ARHGEF18: variants seen among roughly 807,000 people sequenced by gnomAD.
The protein encoded by ARHGEF18 is Rho/Rac guanine nucleotide exchange factor 18, also known as rho guanine nucleotide exchange factor 18.
ARHGEF18 carries 93 observed loss-of-function variants against 155.7 expected under a neutral mutation model. The observed-to-expected ratio is 0.60, with a 90% CI of 0.50 to 0.71. ARHGEF18 has a LOEUF of 0.71. Among genes scored for constraint, ARHGEF18 ranks in the 30% least tolerant of loss-of-function variants. The probability of loss-of-function intolerance (pLI) is 0.00; values close to 1 mark genes in which losing one functional copy is unlikely to be tolerated. For synonymous variants in ARHGEF18, 742 were observed against 753.1 expected (o/e 0.99, Z 0.24); for missense variants, 1,593 against 1,816.1 (o/e 0.88, Z 2.23).
chr19:7,383,146 G>A lies in ARHGEF18; in HGVS notation c.910G>A (p.Gly304Arg). 1.6e-6 allele frequency: 2 copies of A among 1,232,292 alleles called. No homozygotes were observed. The highest frequency in any genetic ancestry group is 2.0e-6 in the Non-Finnish European group (2 of 988,102). 76.3% of individuals were successfully genotyped at this position (1,232,292 alleles called of 1,614,324 possible). The change falls in exon 10 of 29, where the codon GGG becomes AGG. Residue 304 changes from glycine (G) to arginine (R), a missense_variant. Transcript: ENST00000668164. Reference protein sequence around the residue: ...ECVNGHQLLQGTFSGPSSCPL... With the variant: ...ECVNGHQLLQRTFSGPSSCPL... The stretch of plus-strand genomic sequence containing the variant: ...TGTCAATGGGCACCAGCTGTTGCAA[G>A]GGACCTTCTCCGGCCCCTCCAGCTG...
rs539106383 is a variant in ARHGEF18 at position 7,386,234 on chromosome 19, C to CAAA, written c.967+3046_967+3048dup. Among the ~76,000 whole-genome samples, 434 of 108,266 alleles carry CAAA rather than the reference C, an allele frequency of 4.0e-3. 2 individuals carry two copies. Among genetic ancestry groups the CAAA allele is most frequent in the African/African-American group, 0.013 (411 of 30,708 alleles). 71.0% of individuals were successfully genotyped at this position (108,266 alleles called of 152,430 possible). ...GTAGAGACGGGCTCTTGCTATGTTGCAAAAAAAAAAAAAAAAAGACAAAGG... is the reference window on the plus strand; with the variant it reads ...GTAGAGACGGGCTCTTGCTATGTTGCAAAAAAAAAAAAAAAAAAAAGACAAAGG... On this transcript the variant is annotated intron_variant, in intron 10 of 28. Transcript: ENST00000668164.
At chr19:7,389,812 G>A (rs1339601538) in intron 10 of ARHGEF18, among the ~76,000 whole-genome samples, 1 of 152,180 alleles carries the variant, frequency 6.6e-6, no homozygotes, top group Non-Finnish European at 1.5e-5. Flanking sequence ...CACTCTCAGG[G>A]TGGTGGGAAT....
intron 1 of ARHGEF18, among the ~76,000 whole-genome samples, chr19:7,351,689 CCTCTCTCT>C (rs199685788): frequency 7.7e-6 from 1 of 129,572 alleles, no homozygotes; most frequent in Non-Finnish European, 1.6e-5. Context: ...TTTCTCTCTG[CCTCTCTCT>C]CTCTCTCTTT....
At position 7,395,048 on chromosome 19, in the gene ARHGEF18, A is replaced by G. The variant is rs1322696461; in HGVS notation, c.967+11845A>G. ...CCGGGAGCGCCCCGCCCTCGAGGGCACGCCTCCTTCCGGGTCACGCCCTCT... is the reference window on the plus strand; with the variant it reads ...CCGGGAGCGCCCCGCCCTCGAGGGCGCGCCTCCTTCCGGGTCACGCCCTCT... On this transcript the variant is annotated intron_variant, in intron 10 of 28. Transcript: ENST00000668164. The surrounding 1 kb of genome is among the most constrained non-coding windows in gnomAD (Gnocchi z 5.0). 6.1e-6 allele frequency: 6 copies of G among 985,038 alleles called. No individual in the cohort carries two copies. In the East Asian group the frequency reaches 6.8e-4, roughly 112 times the overall value. The allele number at this position is 985,038 out of a possible 1,614,324, so 61.0% of individuals were successfully genotyped here.
chr19:7,469,047 A>T lies in ARHGEF18; in HGVS notation c.3703A>T (p.Ile1235Phe). 6.2e-7 allele frequency: 1 copy of T among 1,606,558 alleles called. No individual in the cohort carries two copies. Among genetic ancestry groups the T allele is most frequent in the Non-Finnish European group, 8.5e-7 (1 of 1,177,550 alleles). The stretch of plus-strand genomic sequence containing the variant: ...GAGGCAGGCGGCCGTGCAGCAGCAG[A>T]TCCCCACCAAGCTGGCGGCCTCCAC... The part of the protein sequence containing the change: ...FQRQAAVQQQ[I>F]PTKLAASTKG... Residue 1235 changes from isoleucine (I) to phenylalanine (F), a missense_variant, in exon 27 of 29, where the codon ATC (isoleucine) becomes TTC (phenylalanine). Ile to Phe is a conservative substitution (Grantham distance 21). Transcript: ENST00000668164.
chr19:7,436,547 G>T (rs1379604741), intron 10 of ARHGEF18, among the ~76,000 whole-genome samples: 1 of 151,998 alleles, frequency 6.6e-6, no homozygotes, highest in Non-Finnish European at 1.5e-5. Flanking sequence ...CAAAGTGCTG[G>T]GATTACAGGT....
intron 1 of ARHGEF18, among the ~76,000 whole-genome samples, chr19:7,352,295 A>G (rs578077943): frequency 6.6e-6 from 1 of 151,628 alleles, no homozygotes; most frequent in African/African-American, 2.4e-5. Context: ...GGGCTAGTCT[A>G]TGTCTGGTCC....
chr19:7,428,875 G>A (rs1031811188), intron 10 of ARHGEF18, among the ~76,000 whole-genome samples: 15 of 152,200 alleles, frequency 9.9e-5, no homozygotes, highest in Non-Finnish European at 4.4e-5. Context: ...GTGCCGCAAT[G>A]GGCTGAGCAC....
chr19:7,447,626 C>G (rs1975080523), intron 15 of ARHGEF18, among the ~76,000 whole-genome samples: 1 of 152,012 alleles, frequency 6.6e-6, no homozygotes, highest in Admixed American at 6.6e-5. Context: ...AGTGATTTTT[C>G]AAGGTTTGGT....
At chr19:7,380,890 AG>A (rs1201261376) in intron 7 of ARHGEF18, 26 bp from the exon 8 acceptor site, 2 of 1,229,810 alleles carry the variant, frequency 1.6e-6, no homozygotes, top group East Asian at 6.3e-5. Context: ...CTGCCGACCC[AG>A]GTATCTGTCC....
Position 7,395,298 on chromosome 19 carries a change from C to A in ARHGEF18, c.967+12095C>A. On this transcript the variant is annotated intron_variant, in intron 10 of 28. Transcript: ENST00000668164. The surrounding 1 kb of genome is among the most constrained non-coding windows in gnomAD (Gnocchi z 5.0). ...GAGGAAAACGGGGCTCAGGAGGGGG[C>A]CCTCGGTCTCTTCAGGGGGTGGCCT... is the stretch of plus-strand genomic sequence containing the variant. 1.0e-6 allele frequency: 1 copy of A among 985,738 alleles called. No homozygotes were observed. The highest frequency in any genetic ancestry group is 1.2e-6 in the Non-Finnish European group (1 of 830,208). 61.1% of individuals were successfully genotyped at this position (985,738 alleles called of 1,614,324 possible).
intron 10 of ARHGEF18, among the ~76,000 whole-genome samples, chr19:7,418,814 G>T (rs1373811227): frequency 6.6e-6 from 1 of 152,034 alleles, no homozygotes; most frequent in Non-Finnish European, 1.5e-5. Context: ...GGAGGTGAAG[G>T]TGGCACTCAT....
intron 10 of ARHGEF18, among the ~76,000 whole-genome samples, chr19:7,411,156 G>A (rs1972653246): frequency 6.6e-6 from 1 of 152,172 alleles, no homozygotes; most frequent in South Asian, 2.1e-4. Flanking sequence ...CTGAGACCTG[G>A]CCTTAGGCAC....
Position 7,468,097 on chromosome 19 carries a change from A to G in ARHGEF18, c.3480+413A>G, listed in dbSNP as rs561485035. 2.6e-5 allele frequency among the ~76,000 whole-genome samples: 4 copies of G among 152,172 alleles called. No homozygotes were observed. The East Asian group carries it at 7.7e-4, about 29-fold the overall frequency. Reference sequence around the variant, plus strand: ...GCACCTGTGGTCCCCGCTACTTGGAATGCTGAGGTGGGAGGATCACTTGAG... The same window carrying G: ...GCACCTGTGGTCCCCGCTACTTGGAGTGCTGAGGTGGGAGGATCACTTGAG... On this transcript the variant is annotated intron_variant, in intron 26 of 28. Transcript: ENST00000668164.
intron 10 of ARHGEF18, among the ~76,000 whole-genome samples, chr19:7,437,119 T>C (rs1974309794): frequency 1.3e-5 from 2 of 152,098 alleles, no homozygotes; most frequent in African/African-American, 4.8e-5. Context: ...TCACCTTCAA[T>C]TTACAGCTAA....
intron 23 of ARHGEF18, among the ~76,000 whole-genome samples, chr19:7,465,149 C>A (rs1976533438): frequency 6.6e-6 from 1 of 152,184 alleles, no homozygotes; most frequent in Non-Finnish European, 1.5e-5. Context: ...TTGGACTTGC[C>A]CCTGTGGCCA....
intron 10 of ARHGEF18, among the ~76,000 whole-genome samples, chr19:7,438,787 G>A (rs1339428277): frequency 4.6e-5 from 7 of 152,288 alleles, no homozygotes; most frequent in Middle Eastern, 3.4e-3. Context: ...AAATGTAAGA[G>A]TAAACTAGCC....
At chr19:7,397,956 A>G (rs1183704013) in intron 10 of ARHGEF18, among the ~76,000 whole-genome samples, 1 of 152,110 alleles carries the variant, frequency 6.6e-6, no homozygotes, top group African/African-American at 2.4e-5. Flanking sequence ...ATGCAAGAGG[A>G]GCGGATGTTA....
chr19:7,404,021 T>C (rs1367672190), intron 10 of ARHGEF18, among the ~76,000 whole-genome samples: 6 of 151,504 alleles, frequency 4.0e-5, no homozygotes, highest in Admixed American at 6.6e-5. Context: ...TCAGACGAGA[T>C]TGAGCCAGTG....
Sources: gnomAD v4.1 joint callset for allele counts (sites outside exome capture counted in the v4.1 genomes callset) on GRCh38, gnomAD v4.1.1 for gene constraint, Gnocchi (gnomAD v3.1) non-coding constraint, MANE v1.5 for transcripts, NCBI Gene and HGNC (gene_info 2026-07-23, HGNC 2026-07-21) for gene names.